Variants in NAPEPLD observed in about 807,000 individuals in gnomAD.
The protein encoded by NAPEPLD is N-acyl-phosphatidylethanolamine-hydrolyzing phospholipase D.
In NAPEPLD, 23 loss-of-function variants were observed where a neutral mutation model predicts 38.1. That is an observed-to-expected ratio of 0.60 (90% CI 0.43 to 0.86). The LOEUF (loss-of-function observed/expected upper bound fraction) is 0.86, where lower values mean the gene tolerates loss of function less well. NAPEPLD is among the 40% of genes least tolerant of loss of function. The pLI is 0.00. For missense variants in NAPEPLD, 411 were observed against 476.8 expected (o/e 0.86, Z 1.28); for synonymous variants, 147 against 162.0 (o/e 0.91, Z 0.71).
At chr7:103,123,846 G>A (rs1025394438) in intron 2 of NAPEPLD, among the ~76,000 whole-genome samples, 3 of 152,168 alleles carry the variant, frequency 2.0e-5, no homozygotes, top group Non-Finnish European at 4.4e-5. Flanking sequence ...GGGAGAATAA[G>A]GGGGTATGAA....
chr7:103,128,176 T>C (rs1482980646), intron 2 of NAPEPLD: 1 of 349,768 alleles, frequency 2.9e-6, no homozygotes, highest in Non-Finnish European at 5.1e-6. Context: ...AAATACTTTT[T>C]AGTTGACTAG....
rs1215364289 is a variant in NAPEPLD at position 103,103,398 on chromosome 7, T to A, written c.*31A>T. 6.6e-7 allele frequency: 1 copy of A among 1,519,200 alleles called. No homozygotes were observed. Among genetic ancestry groups the A allele is most frequent in the Non-Finnish European group, 8.8e-7 (1 of 1,137,632 alleles). 94.1% of individuals were successfully genotyped at this position (1,519,200 alleles called of 1,614,324 possible). The stretch of plus-strand genomic sequence containing the variant: ...TTGTTTTTAAACTTAGATGATGCCT[T>A]TTTCATTAAAAGTGCCTGTGCTCAC... On this transcript the variant is annotated 3_prime_UTR_variant, in exon 5 of 5. Coordinates refer to ENST00000465647, the MANE Select transcript of NAPEPLD (RefSeq NM_001122838.3).
At chr7:103,132,692 G>A (rs956930882) in intron 1 of NAPEPLD, among the ~76,000 whole-genome samples, 6 of 152,120 alleles carry the variant, frequency 3.9e-5, no homozygotes, top group African/African-American at 1.4e-4. Flanking sequence ...CCAGCTACTG[G>A]GAGGATCCCT....
rs1432233352 is a variant in NAPEPLD at position 103,114,055 on chromosome 7, C to T, written c.1056+1005G>A. The stretch of plus-strand genomic sequence containing the variant: ...CTGGGATTACAGGCACGCACCACCA[C>T]GCCTGGCTATTTTGTATTTTTAGTA... On this transcript the variant is annotated intron_variant, in intron 4 of 4. Coordinates refer to ENST00000465647, the MANE Select transcript of NAPEPLD (RefSeq NM_001122838.3). Among the ~76,000 whole-genome samples the T allele has an allele frequency of 4.0e-5, 6 of 151,668 alleles. No homozygotes were observed. The East Asian group carries it at 7.8e-4, about 20-fold the overall frequency.
intron 1 of NAPEPLD, chr7:103,142,065 T>C: frequency 1.7e-6 from 1 of 586,526 alleles, no homozygotes; most frequent in Non-Finnish European, 3.0e-6. Flanking sequence ...GTTCTGTGGG[T>C]GTTTCTGATA....
chr7:103,112,752 TA>T lies in NAPEPLD; in HGVS notation c.1056+2307del, dbSNP rs58608506. Among the ~76,000 whole-genome samples, 725 of 141,954 alleles carry T rather than the reference TA, an allele frequency of 5.1e-3. 5 individuals are homozygous for T. Among genetic ancestry groups the T allele is most frequent in the Admixed American group, 9.0e-3 (127 of 14,188 alleles). 93.1% of individuals were successfully genotyped at this position (141,954 alleles called of 152,430 possible). ...ATGTATCCCAGAACTTAAAGTATAA[TA>T]AAAAAAAAAAGAAGTAAAGGGTAAC... On this transcript the variant is annotated intron_variant, in intron 4 of 4. Coordinates refer to ENST00000465647, the MANE Select transcript of NAPEPLD (RefSeq NM_001122838.3).
intron 4 of NAPEPLD, among the ~76,000 whole-genome samples, chr7:103,111,087 C>A (rs1804430305): frequency 6.6e-6 from 1 of 152,140 alleles, no homozygotes. Context: ...AAACTACAAA[C>A]CACTGCTCAA....
At chr7:103,106,728 T>A (rs200475355) in intron 4 of NAPEPLD, among the ~76,000 whole-genome samples, 17,108 of 147,856 alleles carry the variant, frequency 0.12, 1,172 homozygotes, top group East Asian at 0.3. Flanking sequence ...AGGGCATCTC[T>A]AAAAAAAAAA....
chr7:103,149,378 C>A (rs1013173417), upstream of NAPEPLD: 2 of 1,169,282 alleles, frequency 1.7e-6, no homozygotes, highest in Non-Finnish European at 2.1e-6. Flanking sequence ...GGAGGGGCGA[C>A]CGCGGCAGGC....
chr7:103,114,991 G>A, intron 4 of NAPEPLD, 69 bp downstream of exon 4: 1 of 1,190,866 alleles, frequency 8.4e-7, no homozygotes, highest in African/African-American at 1.5e-5. Context: ...TGAAAACTAA[G>A]GAACAGTGAT....
At chr7:103,134,530 G>T (rs532334309) in intron 1 of NAPEPLD, among the ~76,000 whole-genome samples, 1 of 152,174 alleles carries the variant, frequency 6.6e-6, no homozygotes, top group African/African-American at 2.4e-5. Context: ...TATGCCTGTA[G>T]TCCCAGCTAC....
At chr7:103,149,677 C>G (rs756428942), upstream of NAPEPLD, 1 of 286,744 alleles carries the variant, frequency 3.5e-6, no homozygotes, top group Non-Finnish European at 6.7e-6. Context: ...CCTCGCGACT[C>G]AAACACTCTG....
chr7:103,122,738 T>A (rs1385638047), intron 2 of NAPEPLD, among the ~76,000 whole-genome samples: 1 of 152,180 alleles, frequency 6.6e-6, no homozygotes, highest in Non-Finnish European at 1.5e-5. Context: ...CAGGCACCAA[T>A]GTTACCAATC....
At position 103,119,502 on chromosome 7, in the gene NAPEPLD, A is replaced by C. The variant is rs550693958; in HGVS notation, c.941+75T>G. 1,112 of 1,498,688 alleles carry C rather than the reference A, an allele frequency of 7.4e-4. 3 individuals carry two copies. Among genetic ancestry groups the C allele is most frequent in the Non-Finnish European group, 9.3e-4 (1,045 of 1,120,088 alleles). The allele number at this position is 1,498,688 out of a possible 1,614,324, so 92.8% of individuals were successfully genotyped here. A position where few individuals can be genotyped will look rare whatever the true frequency, so the allele number is the denominator to read the frequency against. On this transcript the variant is annotated intron_variant, in intron 3 of 4. Coordinates refer to ENST00000465647, the MANE Select transcript of NAPEPLD (RefSeq NM_001122838.3). ...AAATCATAAATTACAGTGTCACAAA[A>C]ATCATAATTGCTTTACTTTTAAATT...
intron 1 of NAPEPLD, among the ~76,000 whole-genome samples, chr7:103,140,274 G>A (rs1367557975): frequency 6.6e-6 from 1 of 151,648 alleles, no homozygotes; most frequent in Non-Finnish European, 1.5e-5. Flanking sequence ...CTACACTAAT[G>A]TGATAAGGAA....
chr7:103,126,244 A>C (rs1807774143), intron 2 of NAPEPLD, among the ~76,000 whole-genome samples: 1 of 152,216 alleles, frequency 6.6e-6, no homozygotes, highest in Admixed American at 6.5e-5. Context: ...CACTTCTCCA[A>C]GCATGAATTT....
intron 4 of NAPEPLD, among the ~76,000 whole-genome samples, chr7:103,105,448 A>T (rs1415761460): frequency 6.6e-6 from 1 of 152,190 alleles, no homozygotes; most frequent in Non-Finnish European, 1.5e-5. Flanking sequence ...TAATGCTTGA[A>T]ACTCGTTTCC....
intron 1 of NAPEPLD, among the ~76,000 whole-genome samples, chr7:103,136,123 C>G (rs147572141): frequency 6.6e-6 from 1 of 151,384 alleles, no homozygotes; most frequent in Non-Finnish European, 1.5e-5. Flanking sequence ...AAAACTTAGC[C>G]AAGAGTGGTG....
upstream of NAPEPLD, chr7:103,149,185 C>A (rs1813232457): frequency 1.0e-6 from 1 of 993,402 alleles, no homozygotes; most frequent in Non-Finnish European, 1.2e-6. Flanking sequence ...CCCGCGAGGT[C>A]CAACAGAAAC....
Sources: allele counts gnomAD v4.1 joint callset (sites outside exome capture counted in the v4.1 genomes callset), GRCh38; gene constraint gnomAD v4.1.1; transcripts MANE v1.5; gene names NCBI Gene and HGNC (gene_info 2026-07-23, HGNC 2026-07-21).